The following CCSER1 variants were observed in gnomAD, a reference collection of about 807,000 sequenced individuals.
The protein encoded by CCSER1 is coiled-coil serine rich protein 1, also known as serine-rich coiled-coil domain-containing protein 1.
CCSER1 carries 41 observed loss-of-function variants against 82.0 expected under a neutral mutation model. That is an observed-to-expected ratio of 0.50 (90% confidence interval 0.39 to 0.65). The LOEUF (loss-of-function observed/expected upper bound fraction) is 0.65. Ranked by LOEUF, CCSER1 falls within the 30% of genes least tolerant of loss-of-function variation. The pLI, the probability that CCSER1 is intolerant of heterozygous loss-of-function variation, is 0.00. For missense variants in CCSER1, 1,119 were observed against 1,064.2 expected (o/e 1.05, Z -0.72); for synonymous variants, 414 against 383.9 (o/e 1.08, Z -0.92).
intron 10 of CCSER1, among the ~76,000 whole-genome samples, chr4:91,245,423 A>G (rs1438203786): frequency 3.9e-5 from 6 of 152,174 alleles, no homozygotes; most frequent in Non-Finnish European, 7.3e-5. Flanking sequence ...ATAACGTACA[A>G]TGAAACTCCA....
chr4:90,608,775 C>A (rs557194891), intron 5 of CCSER1, among the ~76,000 whole-genome samples: 141 of 126,480 alleles, frequency 1.1e-3, no homozygotes, highest in African/African-American at 4.5e-3. Flanking sequence ...CAATTTATTT[C>A]TTCTTATTTT....
At chr4:91,585,848 G>A (rs1304603499) in intron 10 of CCSER1, among the ~76,000 whole-genome samples, 1 of 151,634 alleles carries the variant, frequency 6.6e-6, no homozygotes, top group African/African-American at 2.4e-5. Context: ...TCAGAGTGAT[G>A]TAGGCCATTA....
At chr4:91,250,718 ATTGAAC>A (rs1740184423) in intron 10 of CCSER1, among the ~76,000 whole-genome samples, 1 of 151,728 alleles carries the variant, frequency 6.6e-6, no homozygotes, top group African/African-American at 2.4e-5. Flanking sequence ...AAGTGATAAA[ATTGAAC>A]TTGAAGAATT....
At chr4:90,858,365 G>T (rs1397300304) in intron 8 of CCSER1, among the ~76,000 whole-genome samples, 1 of 151,926 alleles carries the variant, frequency 6.6e-6, no homozygotes, top group Non-Finnish European at 1.5e-5. Flanking sequence ...AGCGTACCAG[G>T]TTTTCTCAGT....
chr4:90,271,862 A>ATT lies in CCSER1; in HGVS notation c.-41-36355_-41-36354dup, dbSNP rs1176154331. ...TATATATATATATATATATATATAT[A>ATT]TTTTTTTTTTTTTTTTTTTTTTTTT... On this transcript the variant is annotated intron_variant, in intron 1 of 10. Transcript: ENST00000509176. 5.4e-3 allele frequency among the ~76,000 whole-genome samples: 118 copies of ATT among 21,724 alleles called. 7 individuals are homozygous for ATT. Among genetic ancestry groups the ATT allele is most frequent in the Non-Finnish European group, 5.8e-3 (82 of 14,124 alleles). The allele number at this position is 21,724 out of a possible 152,430, so 14.3% of individuals were successfully genotyped here.
At chr4:91,228,523 A>G (rs1347318193) in intron 10 of CCSER1, among the ~76,000 whole-genome samples, 2 of 152,060 alleles carry the variant, frequency 1.3e-5, no homozygotes, top group Non-Finnish European at 2.9e-5. Context: ...CTTATTTTAA[A>G]TATATTCTAT....
At chr4:90,320,587 A>T (rs1385228550) in intron 3 of CCSER1, among the ~76,000 whole-genome samples, 1 of 152,190 alleles carries the variant, frequency 6.6e-6, no homozygotes, top group East Asian at 1.9e-4. Context: ...CATTAAGCCC[A>T]TTAAAATATA....
At chr4:91,182,588 C>A (rs1232933243) in intron 10 of CCSER1, among the ~76,000 whole-genome samples, 1 of 152,116 alleles carries the variant, frequency 6.6e-6, no homozygotes, top group African/African-American at 2.4e-5. Context: ...TATGGGATAC[C>A]AGTAATGTGT....
chr4:91,097,126 A>C (rs1440992018), intron 10 of CCSER1, among the ~76,000 whole-genome samples: 1 of 152,066 alleles, frequency 6.6e-6, no homozygotes, highest in Non-Finnish European at 1.5e-5. Flanking sequence ...TTTTTACCCT[A>C]CCTCAAAAAT....
chr4:90,767,950 A>G (rs572030469), intron 7 of CCSER1, among the ~76,000 whole-genome samples: 1 of 152,298 alleles, frequency 6.6e-6, no homozygotes, highest in African/African-American at 2.4e-5. Flanking sequence ...ACCATGCCTG[A>G]CCAAACAAGG....
intron 8 of CCSER1, among the ~76,000 whole-genome samples, chr4:90,821,291 C>T (rs931109072): frequency 5.9e-5 from 9 of 152,000 alleles, no homozygotes; most frequent in African/African-American, 1.9e-4. Flanking sequence ...AGAACTACTG[C>T]GAACTATTAA....
intron 10 of CCSER1, among the ~76,000 whole-genome samples, chr4:91,584,315 T>A (rs1049014442): frequency 4.5e-4 from 68 of 151,542 alleles, no homozygotes; most frequent in African/African-American, 1.5e-3. Flanking sequence ...TTGGACTAGA[T>A]GTATTAGATT....
chr4:90,778,581 ATC>A (rs1277806456), intron 7 of CCSER1, among the ~76,000 whole-genome samples: 1 of 151,760 alleles, frequency 6.6e-6, no homozygotes, highest in African/African-American at 2.4e-5. Context: ...TTTTAAAAAA[ATC>A]TATCATTCTG....
At chr4:90,159,809 C>T (rs1729092277) in intron 1 of CCSER1, among the ~76,000 whole-genome samples, 1 of 152,102 alleles carries the variant, frequency 6.6e-6, no homozygotes, top group South Asian at 2.1e-4. Context: ...CATATTTTGC[C>T]ATAATAGTAA....
intron 10 of CCSER1, among the ~76,000 whole-genome samples, chr4:91,417,205 C>A (rs889552715): frequency 1.3e-5 from 2 of 152,008 alleles, no homozygotes; most frequent in African/African-American, 4.8e-5. Flanking sequence ...AATCAAGAAA[C>A]AACAGATGCT....
chr4:91,297,373 G>GTGTGTA (rs1744275210), intron 10 of CCSER1, among the ~76,000 whole-genome samples: 3 of 101,358 alleles, frequency 3.0e-5, no homozygotes, highest in African/African-American at 1.2e-4. Context: ...GCTTGTGTGT[G>GTGTGTA]TGTGTGTGTG....
chr4:91,090,666 T>C (rs1723851364), intron 10 of CCSER1, among the ~76,000 whole-genome samples: 2 of 152,190 alleles, frequency 1.3e-5, no homozygotes, highest in African/African-American at 4.8e-5. Context: ...TGATCTCCTG[T>C]TACAGTTCCT....
intron 10 of CCSER1, among the ~76,000 whole-genome samples, chr4:91,206,975 CATTCAGCTGTCTCTGTCCAGAAAGGAAA>C (rs1736400462): frequency 6.6e-6 from 1 of 151,784 alleles, no homozygotes; most frequent in African/African-American, 2.4e-5. Context: ...AAATTCTGGT[CATTCAGCTGTCTCTGTCCAGAAAGGAAA>C]ATTAGGTAAC....
At chr4:91,396,748 T>C (rs1752002925) in intron 10 of CCSER1, among the ~76,000 whole-genome samples, 1 of 152,018 alleles carries the variant, frequency 6.6e-6, no homozygotes, top group African/African-American at 2.4e-5. Flanking sequence ...AATAAAAATA[T>C]TACAGAGATT....
Sources: allele counts gnomAD v4.1 joint callset (sites outside exome capture counted in the v4.1 genomes callset), GRCh38; gene constraint gnomAD v4.1.1; transcripts MANE v1.5; gene names NCBI Gene and HGNC (gene_info 2026-07-23, HGNC 2026-07-21).